OASL: variants seen among roughly 807,000 people sequenced by gnomAD.
OASL encodes the protein 2'-5'-oligoadenylate synthetase like.
A neutral mutation model predicts 35.3 loss-of-function variants in OASL; 28 were observed. The ratio of observed to expected loss-of-function variants is 0.79; its 90% CI spans 0.59 to 1.09. The LOEUF (loss-of-function observed/expected upper bound fraction) is 1.09, where lower values mean the gene tolerates loss of function less well. OASL is among the 50% of genes least tolerant of loss of function. OASL has a pLI of 0.00. For synonymous variants in OASL, 252 were observed against 254.6 expected (o/e 0.99, Z 0.10); for missense variants, 620 against 635.2 (o/e 0.98, Z 0.26).
chr12:121,024,027 T>C, exon 5 of OASL: 1 of 1,614,110 alleles, frequency 6.2e-7, no homozygotes, highest in Non-Finnish European at 8.5e-7. Context: ...CTCCCTGTTG[T>C]CATAGCAACA....
exon 1 of OASL, chr12:121,038,998 G>A (rs1474946106): frequency 6.2e-7 from 1 of 1,601,526 alleles, no homozygotes. Context: ...CCGCTGCTGG[G>A]CAGATATATA....
At chr12:121,021,282 T>TCAAC (rs1869226017) in intron 5 of OASL, among the ~76,000 whole-genome samples, 1 of 152,294 alleles carries the variant, frequency 6.6e-6, no homozygotes, top group East Asian at 1.9e-4. Context: ...GGTTCTACTG[T>TCAAC]TACCCCCATG....
At chr12:121,029,031 C>A (rs1202759451) in intron 3 of OASL, among the ~76,000 whole-genome samples, 1 of 144,174 alleles carries the variant, frequency 6.9e-6, no homozygotes, top group South Asian at 2.2e-4. Flanking sequence ...TGCCACTGCA[C>A]TCCAGCCTGG....
chr12:121,022,085 CTT>C (rs66924657), intron 5 of OASL, among the ~76,000 whole-genome samples: 14 of 108,028 alleles, frequency 1.3e-4, no homozygotes, highest in Admixed American at 7.9e-4. Context: ...AAGTTTTGTT[CTT>C]TTTTTTTTTT....
At chr12:121,034,880 C>T (rs115096063) in intron 1 of OASL, among the ~76,000 whole-genome samples, 2,106 of 152,156 alleles carry the variant, frequency 0.014, 54 homozygotes, top group African/African-American at 0.048. Flanking sequence ...CTTCTGCTGC[C>T]GGGGGGTCAG....
rs143025848 is a variant in OASL, at chr12:121,033,561, C to G, written c.381G>C (p.Arg127Ser). 17 of 1,614,050 alleles carry G rather than the reference C, an allele frequency of 1.1e-5. No homozygotes were observed. In the East Asian group the frequency reaches 3.8e-4, roughly 36 times the overall value. The stretch of plus-strand genomic sequence containing the variant: ...GAGCATCGGGGACTCTCTGCTCCAT[C>G]CTCAGGTCCTCGAGCCCGAGGTCCA... The change falls in exon 2 of 6, where the codon AGG becomes AGC. Residue 127 changes from arginine (R) to serine (S), a missense_variant. Physicochemically the swap from Arg to Ser is moderately radical, Grantham distance 110. Coordinates refer to ENST00000257570, the Ensembl canonical transcript of OASL.
intron 3 of OASL, among the ~76,000 whole-genome samples, chr12:121,028,806 C>T (rs1355189013): frequency 2.0e-5 from 3 of 152,008 alleles, no homozygotes; most frequent in African/African-American, 7.3e-5. Context: ...GCCTCCCGCC[C>T]GTAATCCCAG....
chr12:121,039,086 G>T, exon 1 of OASL: 1 of 823,028 alleles, frequency 1.2e-6, no homozygotes, highest in Non-Finnish European at 1.9e-6. Context: ...CCAGTGCTCT[G>T]TGGGAGGAGG....
At chr12:121,039,158 AC>A (rs1166002427) in exon 1 of OASL, 1 of 599,774 alleles carries the variant, frequency 1.7e-6, no homozygotes, top group African/African-American at 1.9e-5. Context: ...TCTTGGAGAC[AC>A]CCTTGCTGCA....
chr12:121,027,839 C>T (rs1869555653), intron 3 of OASL, 22 bp from the exon 4 acceptor site: 1 of 1,576,280 alleles, frequency 6.3e-7, no homozygotes, highest in African/African-American at 1.4e-5. Context: ...GATGGGAAGA[C>T]AGAGAGAGAG....
At chr12:121,032,838 G>A (rs1869789824) in intron 2 of OASL, among the ~76,000 whole-genome samples, 1 of 152,114 alleles carries the variant, frequency 6.6e-6, no homozygotes, top group Non-Finnish European at 1.5e-5. Context: ...GTCACTTCCT[G>A]AGCACCCTTT....
chr12:121,031,452 C>G, exon 3 of OASL: 1 of 1,613,478 alleles, frequency 6.2e-7, no homozygotes, highest in Non-Finnish European at 8.5e-7. Context: ...CTGCTGGTAC[C>G]AGTGTTTCAC....
exon 5 of OASL, chr12:121,023,995 C>G: frequency 1.2e-6 from 2 of 1,614,090 alleles, no homozygotes. Context: ...ATTACCTTCA[C>G]GTTCCAGCTG....
chr12:121,029,345 C>T (rs1869634813), intron 3 of OASL, among the ~76,000 whole-genome samples: 1 of 152,056 alleles, frequency 6.6e-6, no homozygotes, highest in African/African-American at 2.4e-5. Context: ...CACTGACTTA[C>T]TAACAAAAAA....
exon 4 of OASL, chr12:121,027,789 T>C (rs758052415): frequency 6.2e-7 from 1 of 1,614,078 alleles, no homozygotes; most frequent in African/African-American, 1.3e-5. Context: ...AGGGGGCAGA[T>C]TGGCTCTGGG....
intron 2 of OASL, among the ~76,000 whole-genome samples, chr12:121,032,757 C>T (rs1402170036): frequency 1.3e-5 from 2 of 152,070 alleles, no homozygotes; most frequent in African/African-American, 4.8e-5. Context: ...CAGTGACAGA[C>T]CCCCACTCCC....
chr12:121,031,929 G>A (rs1869752087), intron 2 of OASL, among the ~76,000 whole-genome samples: 2 of 152,102 alleles, frequency 1.3e-5, no homozygotes, highest in Admixed American at 1.3e-4. Context: ...GGTGGCTTAA[G>A]CCTGTAATCC....
intron 2 of OASL, 59 bp from the exon 3 acceptor site, chr12:121,031,676 G>C (rs1869741089): frequency 1.3e-6 from 2 of 1,508,292 alleles, no homozygotes; most frequent in African/African-American, 1.4e-5. Context: ...AGGGTGGTAA[G>C]TAGTATTTTG....
At chr12:121,018,620 G>A (rs1156805801), downstream of OASL, among the ~76,000 whole-genome samples, 1 of 151,946 alleles carries the variant, frequency 6.6e-6, no homozygotes, top group Non-Finnish European at 1.5e-5. Flanking sequence ...TGTAATCCCA[G>A]CACTGTGGGA....
Sources: gnomAD v4.1 joint callset for allele counts (sites outside exome capture counted in the v4.1 genomes callset) on GRCh38, gnomAD v4.1.1 for gene constraint, MANE v1.5 for transcripts, NCBI Gene and HGNC (gene_info 2026-07-23, HGNC 2026-07-21) for gene names.